The following GPR161 variants were observed in gnomAD, a reference collection of about 807,000 sequenced individuals.
The protein encoded by GPR161 is G-protein coupled receptor RE2.
In GPR161, 25 loss-of-function variants were observed where a neutral mutation model predicts 39.2. That is an observed-to-expected ratio of 0.64 (90% CI 0.47 to 0.89). The LOEUF (loss-of-function observed/expected upper bound fraction) is 0.89, where lower values mean the gene tolerates loss of function less well. Among genes scored for constraint, GPR161 ranks in the 40% least tolerant of loss-of-function variants. The pLI is 0.00. For missense variants in GPR161, 547 were observed against 677.8 expected, an observed-to-expected ratio of 0.81 and a Z score of 2.14; for synonymous variants, 286 against 276.6, an observed-to-expected ratio of 1.03 and a Z score of -0.34.
At chr1:168,107,960 A>G (rs1342162468) in intron 1 of GPR161, among the ~76,000 whole-genome samples, 2 of 152,230 alleles carry the variant, frequency 1.3e-5, no homozygotes, top group East Asian at 1.9e-4. Context: ...ACCCTGTCTT[A>G]GTCTGTTTGC....
intron 1 of GPR161, among the ~76,000 whole-genome samples, chr1:168,113,457 GTCT>G (rs1373999314): frequency 1.3e-5 from 2 of 152,206 alleles, no homozygotes; most frequent in African/African-American, 2.4e-5. Context: ...ATTGTCTTCA[GTCT>G]TCTTGTGCAT....
intron 3 of GPR161, among the ~76,000 whole-genome samples, chr1:168,092,840 T>A (rs575519940): frequency 4.6e-5 from 7 of 152,230 alleles, no homozygotes; most frequent in African/African-American, 1.7e-4. Context: ...TGGACAAACG[T>A]GAGTCAGTGT....
rs548630394 is a variant in GPR161 at position 168,085,105 on chromosome 1, TCTC to T, written c.*423_*425del. The stretch of plus-strand genomic sequence containing the variant: ...TCCTTCACAGTACACTGGGGAGGGT[TCTC>T]CTCCTGAGGCATCTGGCACAGTGCA... On this transcript the variant is annotated 3_prime_UTR_variant, in exon 6 of 6. Transcript: ENST00000682931. 5.4e-4 allele frequency: 248 copies of T among 459,374 alleles called. 1 individual carries two copies. Among genetic ancestry groups the T allele is most frequent in the African/African-American group, 4.5e-3 (227 of 50,364 alleles). 28.5% of individuals were successfully genotyped at this position (459,374 alleles called of 1,614,324 possible).
chr1:168,105,515 T>C (rs3820401), intron 1 of GPR161, among the ~76,000 whole-genome samples: 57,891 of 152,084 alleles, frequency 0.38, 11,376 homozygotes, highest in Admixed American at 0.49. Flanking sequence ...ACAATTTGAC[T>C]GTAAGATTCT....
chr1:168,127,485 T>C (rs897378406), intron 1 of GPR161, among the ~76,000 whole-genome samples: 1 of 151,158 alleles, frequency 6.6e-6, no homozygotes, highest in Non-Finnish European at 1.5e-5. Context: ...CTCCATCTCA[T>C]TAAAAAAAAA....
At chr1:168,091,471 C>A (rs1695061363) in intron 3 of GPR161, among the ~76,000 whole-genome samples, 2 of 152,214 alleles carry the variant, frequency 1.3e-5, no homozygotes, top group Non-Finnish European at 2.9e-5. Context: ...AGAGGAAAGA[C>A]TCACAGGCAC....
rs142446829 is a variant in GPR161 at position 168,099,562 on chromosome 1, A to G, written c.375-2330T>C. 2.0e-5 allele frequency among the ~76,000 whole-genome samples: 3 copies of G among 152,246 alleles called. No homozygotes were observed. In the East Asian group the frequency reaches 5.8e-4, roughly 29 times the overall value. ...TTCTGGCTCTTCTCAACACCCAGTT[A>G]TTATTACTACTTTATGGCAAGACTT... On this transcript the variant is annotated intron_variant, in intron 2 of 5. Transcript: ENST00000682931.
rs764456483 is a variant in GPR161, at chr1:168,084,890, G to T, written c.*641C>A. On this transcript the variant is annotated 3_prime_UTR_variant, in exon 6 of 6. Transcript: ENST00000682931. Reference sequence around the variant, plus strand: ...GTAGGGAAGTAGGCAGGGTGGGCCAGTCTGCAAGAGGCCTGTGGCTGTCCC... The same window carrying T: ...GTAGGGAAGTAGGCAGGGTGGGCCATTCTGCAAGAGGCCTGTGGCTGTCCC... The T allele has an allele frequency of 1.1e-5, 5 of 456,186 alleles. No homozygotes were observed. The highest frequency in any genetic ancestry group is 2.2e-5 in the Non-Finnish European group (5 of 226,982). 28.3% of individuals were successfully genotyped at this position (456,186 alleles called of 1,614,324 possible). A position where few individuals can be genotyped will look rare whatever the true frequency, so the allele number is the denominator to read the frequency against.
intron 3 of GPR161, among the ~76,000 whole-genome samples, chr1:168,091,698 T>C (rs984676233): frequency 2.0e-5 from 3 of 152,090 alleles, no homozygotes; most frequent in Non-Finnish European, 2.9e-5. Flanking sequence ...GAGGATTCAA[T>C]GCAGGGAGCT....
At chr1:168,134,781 C>T in intron 1 of GPR161, 2 of 779,056 alleles carry the variant, frequency 2.6e-6, no homozygotes, top group East Asian at 2.7e-5. Context: ...CTGCAGCTGC[C>T]CCCTTACTGG....
chr1:168,116,611 C>T (rs1453511238), intron 1 of GPR161, among the ~76,000 whole-genome samples: 1 of 152,236 alleles, frequency 6.6e-6, no homozygotes, highest in Non-Finnish European at 1.5e-5. Context: ...CACGGGCTCC[C>T]TGGGTGTCCA....
intron 3 of GPR161, among the ~76,000 whole-genome samples, chr1:168,090,932 G>A (rs1695001941): frequency 6.6e-6 from 1 of 152,224 alleles, no homozygotes; most frequent in African/African-American, 2.4e-5. Flanking sequence ...ATGACAGAGG[G>A]CCAGGGAGCA....
chr1:168,116,804 C>T (rs954565704), intron 1 of GPR161, among the ~76,000 whole-genome samples: 29 of 152,206 alleles, frequency 1.9e-4, no homozygotes, highest in Admixed American at 7.9e-4. Context: ...TTGGCCCTCT[C>T]CCCATCAGGG....
intron 1 of GPR161, among the ~76,000 whole-genome samples, chr1:168,116,725 G>A (rs561899556): frequency 3.2e-4 from 48 of 152,316 alleles, no homozygotes; most frequent in African/African-American, 9.6e-4. Flanking sequence ...GGCACAAGGC[G>A]TGGCCTCTGC....
intron 1 of GPR161, among the ~76,000 whole-genome samples, chr1:168,124,446 T>C (rs1406741661): frequency 6.6e-6 from 1 of 152,222 alleles, no homozygotes; most frequent in Non-Finnish European, 1.5e-5. Flanking sequence ...AAATAAGGTA[T>C]ACAAAACATA....
chr1:168,096,237 G>A (rs942133755), intron 3 of GPR161, among the ~76,000 whole-genome samples: 7 of 151,648 alleles, frequency 4.6e-5, no homozygotes, highest in East Asian at 1.9e-4. Flanking sequence ...TTTCTGGACC[G>A]TGGTGTCCCC....
At chr1:168,105,418 G>A (rs1271415004) in intron 1 of GPR161, among the ~76,000 whole-genome samples, 1 of 152,188 alleles carries the variant, frequency 6.6e-6, no homozygotes, top group Non-Finnish European at 1.5e-5. Flanking sequence ...GAGCTCACTA[G>A]AGAGGCAGAA....
intron 1 of GPR161, among the ~76,000 whole-genome samples, chr1:168,119,889 CT>C (rs1312600584): frequency 3.9e-5 from 6 of 151,992 alleles, no homozygotes; most frequent in Non-Finnish European, 8.8e-5. Flanking sequence ...TTGGGAACCT[CT>C]ATCTAGATGT....
At chr1:168,127,592 G>A (rs1040594409) in intron 1 of GPR161, among the ~76,000 whole-genome samples, 4 of 152,110 alleles carry the variant, frequency 2.6e-5, no homozygotes, top group Non-Finnish European at 5.9e-5. Flanking sequence ...GAAGAAAAAG[G>A]TTTATGGACT....
Sources: gnomAD v4.1 joint callset for allele counts (sites outside exome capture counted in the v4.1 genomes callset) on GRCh38, gnomAD v4.1.1 for gene constraint, MANE v1.5 for transcripts, NCBI Gene and HGNC (gene_info 2026-07-23, HGNC 2026-07-21) for gene names.